Variants in CLVS1 observed in about 807,000 individuals in gnomAD.
CLVS1 encodes the protein clavesin 1, also known as clavesin-1.
CLVS1 carries 10 observed loss-of-function variants against 33.1 expected under a neutral mutation model. The ratio of observed to expected loss-of-function variants is 0.30; its 90% CI spans 0.19 to 0.51. CLVS1 has a LOEUF of 0.51. Among genes scored for constraint, CLVS1 ranks in the 20% least tolerant of loss-of-function variants. The pLI, the probability that CLVS1 is intolerant of heterozygous loss-of-function variation, is 0.97. For synonymous variants in CLVS1, 163 were observed against 166.1 expected, an observed-to-expected ratio of 0.98 and a Z score of 0.14; for missense variants, 343 against 433.4, an observed-to-expected ratio of 0.79 and a Z score of 1.85.
chr8:61,341,916 T>C lies in CLVS1; in HGVS notation c.456-34689T>C, dbSNP rs183218859. The stretch of plus-strand genomic sequence containing the variant: ...ATCACTGCCATTTCCTCCAGGGGCT[T>C]TTAGTGCTGTGCATTTTAAGAGTGG... On this transcript the variant is annotated intron_variant, in intron 2 of 5. Transcript: ENST00000325897. 1.1e-4 allele frequency among the ~76,000 whole-genome samples: 17 copies of C among 152,314 alleles called. No homozygotes were observed. In the East Asian group the frequency reaches 2.5e-3, roughly 22 times the overall value.
intron 3 of CLVS1, among the ~76,000 whole-genome samples, chr8:61,422,782 ACCCCAGGATCAGTTGTTTGTG>A (rs1270745413): frequency 6.6e-6 from 1 of 152,204 alleles, no homozygotes; most frequent in Non-Finnish European, 1.5e-5. Flanking sequence ...GACTCTTTAA[ACCCCAGGATCAGTTGTTTGTG>A]CTCTGGAAGA....
At position 61,071,836 on chromosome 8, in the gene CLVS1, G is replaced by A. The variant is rs373371751; in HGVS notation, c.-243+14606G>A. Among the ~76,000 whole-genome samples the A allele has an allele frequency of 2.0e-5, 3 of 152,266 alleles. No homozygotes were observed. In the East Asian group the frequency reaches 5.8e-4, roughly 29 times the overall value. ...GTTGACTTTGAAAGTCAGCTTTCAA[G>A]GTGTACTGACACATCTTTAAGAAAG... is the stretch of plus-strand genomic sequence containing the variant. On this transcript the variant is annotated intron_variant, in intron 1 of 2. Transcript: ENST00000522621.
Position 61,458,345 on chromosome 8 carries a change from G to C in CLVS1, c.780G>C (p.Gln260His), listed in dbSNP as rs1394110828. Reference sequence around the variant, plus strand: ...GAAACAATTTAAACAGCCTTCACCAGCTAATACACCCTGAATTTTTGCCCT... The same window carrying C: ...GAAACAATTTAAACAGCCTTCACCACCTAATACACCCTGAATTTTTGCCCT... ...LHGNNLNSLHQLIHPEFLPSE... is the reference protein window; with the variant it reads ...LHGNNLNSLHHLIHPEFLPSE... The change falls in exon 5 of 6, where the codon CAG becomes CAC. Residue 260 changes from glutamine to histidine, a missense_variant. Around this residue, in one of 4 missense-constraint regions of CLVS1, gnomAD observed 166 missense variants for 244.0 expected, o/e 0.68. Coordinates refer to ENST00000325897, the MANE Select transcript of CLVS1 (RefSeq NM_173519.3). 1 of 1,614,072 alleles carries C rather than the reference G, an allele frequency of 6.2e-7. No individual in the cohort carries two copies. Among genetic ancestry groups the C allele is most frequent in the Non-Finnish European group, 8.5e-7 (1 of 1,179,992 alleles).
intron 1 of CLVS1, among the ~76,000 whole-genome samples, chr8:61,068,229 GTATA>G (rs201671807): frequency 1.3e-4 from 13 of 101,000 alleles, no homozygotes; most frequent in African/African-American, 4.7e-4. Flanking sequence ...GTATGTATGT[GTATA>G]TATATATATA....
intron 2 of CLVS1, among the ~76,000 whole-genome samples, chr8:61,373,968 T>G (rs1199086004): frequency 6.6e-6 from 1 of 152,244 alleles, no homozygotes; most frequent in Non-Finnish European, 1.5e-5. Context: ...GGCTGTCGCA[T>G]ATTTTTTACT....
At chr8:61,411,804 C>T (rs910209536) in intron 3 of CLVS1, among the ~76,000 whole-genome samples, 2 of 152,268 alleles carry the variant, frequency 1.3e-5, no homozygotes, top group East Asian at 1.9e-4. Flanking sequence ...GCAGAGATGT[C>T]GCCCCATGTG....
intron 1 of CLVS1, among the ~76,000 whole-genome samples, chr8:61,059,003 C>T (rs1430928968): frequency 6.6e-6 from 1 of 152,142 alleles, no homozygotes; most frequent in African/African-American, 2.4e-5. Flanking sequence ...CTTCAATGAA[C>T]ATCCATGTCT....
At chr8:61,033,045 GAAAA>G in the CLVS1 span, among the ~76,000 whole-genome samples, 548 of 90,292 alleles carry the variant, frequency 6.1e-3, 27 homozygotes, top group African/African-American at 0.015. Context: ...AAGAAAGAAA[GAAAA>G]AGAAAGAAAG....
intron 1 of CLVS1, among the ~76,000 whole-genome samples, chr8:61,068,195 A>G (rs1372583878): frequency 8.3e-6 from 1 of 120,204 alleles, no homozygotes; most frequent in East Asian, 2.6e-4. Context: ...ATATATGTGT[A>G]TATGTATATA....
chr8:61,258,831 A>G (rs1283731217), intron 2 of CLVS1, among the ~76,000 whole-genome samples: 1 of 152,194 alleles, frequency 6.6e-6, no homozygotes, highest in Admixed American at 6.5e-5. Flanking sequence ...TCTTGTTCCT[A>G]TAAGTGCATA....
chr8:61,132,905 G>A (rs189407183), intron 2 of CLVS1, among the ~76,000 whole-genome samples: 3 of 152,334 alleles, frequency 2.0e-5, no homozygotes, highest in Admixed American at 2.0e-4. Context: ...TACCATCATT[G>A]CTGCTCTGTG....
At chr8:61,229,272 A>C (rs894194353) in intron 2 of CLVS1, among the ~76,000 whole-genome samples, 7 of 152,222 alleles carry the variant, frequency 4.6e-5, no homozygotes, top group African/African-American at 1.7e-4. Flanking sequence ...AGGCACTGCC[A>C]GTAGAAATAG....
At chr8:61,009,458 C>G in the CLVS1 span, among the ~76,000 whole-genome samples, 1 of 152,118 alleles carries the variant, frequency 6.6e-6, no homozygotes, top group Non-Finnish European at 1.5e-5. Flanking sequence ...AATTGATATT[C>G]TTAATTTGCC....
intron 2 of CLVS1, among the ~76,000 whole-genome samples, chr8:61,171,898 C>T (rs555690826): frequency 6.6e-6 from 1 of 152,086 alleles, no homozygotes; most frequent in Admixed American, 6.6e-5. Flanking sequence ...GTCAAGCAAG[C>T]GTGGAAATCA....
the CLVS1 span, among the ~76,000 whole-genome samples, chr8:61,041,046 C>T: frequency 6.6e-6 from 1 of 152,060 alleles, no homozygotes; most frequent in African/African-American, 2.4e-5. Context: ...CATTCTTTTG[C>T]ATATGGCTAG....
chr8:61,098,082 C>T (rs1019902), intron 1 of CLVS1, among the ~76,000 whole-genome samples: 60,635 of 151,892 alleles, frequency 0.4, 13,139 homozygotes, highest in East Asian at 0.82. Flanking sequence ...ATTGCTTGAT[C>T]CCAGGAGTAT....
At chr8:61,124,152 T>C (rs1805929607) in intron 1 of CLVS1, among the ~76,000 whole-genome samples, 1 of 152,358 alleles carries the variant, frequency 6.6e-6, no homozygotes, top group South Asian at 2.1e-4. Flanking sequence ...CAGATCACTG[T>C]TCCTGTGTGA....
chr8:60,992,972 G>A, the CLVS1 span, among the ~76,000 whole-genome samples: 3 of 152,326 alleles, frequency 2.0e-5, no homozygotes, highest in Non-Finnish European at 2.9e-5. Flanking sequence ...CAGGTCATTC[G>A]TTTCCTTGAA....
At chr8:61,341,610 G>A (rs552678957) in intron 2 of CLVS1, among the ~76,000 whole-genome samples, 20 of 152,262 alleles carry the variant, frequency 1.3e-4, no homozygotes, top group East Asian at 1.2e-3. Flanking sequence ...GCACACCTCC[G>A]TGAACGGCAA....
Sources: gnomAD v4.1 joint callset for allele counts (sites outside exome capture counted in the v4.1 genomes callset) on GRCh38, gnomAD v4.1.1 for gene constraint, gnomAD v4.1.1 regional missense constraint, MANE v1.5 for transcripts, NCBI Gene and HGNC (gene_info 2026-07-23, HGNC 2026-07-21) for gene names.